Variants in KLKB1 observed in about 807,000 individuals in gnomAD.
KLKB1 encodes kallikrein B1.
A neutral mutation model predicts 73.6 loss-of-function variants in KLKB1; 58 were observed. The ratio of observed to expected loss-of-function variants is 0.79; its 90% CI spans 0.64 to 0.98. KLKB1 has a LOEUF of 0.98. Among genes scored for constraint, KLKB1 ranks in the 50% least tolerant of loss-of-function variants. The pLI is 0.00. For synonymous variants in KLKB1, 280 were observed against 258.1 expected (o/e 1.08, Z -0.81); for missense variants, 737 against 763.8 (o/e 0.96, Z 0.41).
At chr4:186,231,962 G>A (rs1391396030) in intron 2 of KLKB1, among the ~76,000 whole-genome samples, 165 bp from the exon 3 acceptor site, 1 of 152,138 alleles carries the variant, frequency 6.6e-6, no homozygotes, top group South Asian at 2.1e-4. Context: ...ACTATACATT[G>A]TTCAAATAGT....
intron 6 of KLKB1, among the ~76,000 whole-genome samples, chr4:186,244,184 T>C (rs1292972739): frequency 6.6e-6 from 1 of 152,132 alleles, no homozygotes; most frequent in Non-Finnish European, 1.5e-5. Flanking sequence ...TTTTAAGGAA[T>C]GGCAAGAGGA....
chr4:186,257,439 A>G, intron 14 of KLKB1, 74 bp downstream of exon 14: 1 of 1,384,838 alleles, frequency 7.2e-7, no homozygotes, highest in East Asian at 2.5e-5. Context: ...TTCCAATAGC[A>G]TAATTCAATC....
chr4:186,212,334 A>G (rs1335096055), intron 2 of KLKB1: 1 of 152,214 alleles, frequency 6.6e-6, no homozygotes, highest in Non-Finnish European at 1.5e-5. Flanking sequence ...TTAGTAACCC[A>G]GTAATATCTC....
intron 7 of KLKB1, 87 bp from the exon 8 acceptor site, chr4:186,251,132 T>C: frequency 1.2e-6 from 1 of 846,344 alleles, no homozygotes; most frequent in South Asian, 1.5e-5. Context: ...CTGCGTTGCT[T>C]TTTGGGTGTG....
Position 186,257,290 on chromosome 4 carries a change from A to G in KLKB1, c.1650A>G (p.Lys550=). The G allele has an allele frequency of 6.2e-7, 1 of 1,602,698 alleles. No individual in the cohort carries two copies. Among genetic ancestry groups the G allele is most frequent in the Non-Finnish European group, 8.5e-7 (1 of 1,172,434 alleles). ...TGGTAACAAATGAAGAATGCCAGAA[A>G]AGATATCAAGATTATAAAATAACCC... The part of the protein sequence containing the change: ...IPLVTNEECQ[K]RYQDYKITQR... The change falls in exon 14 of 15, where the codon AAA becomes AAG. Residue 550 remains lysine (K), a synonymous_variant. Coordinates refer to ENST00000264690, the MANE Select transcript of KLKB1 (RefSeq NM_000892.5).
At chr4:186,234,226 C>G (rs111912728) in intron 4 of KLKB1, among the ~76,000 whole-genome samples, 168 bp downstream of exon 4, 1 of 152,156 alleles carries the variant, frequency 6.6e-6, no homozygotes, top group Non-Finnish European at 1.5e-5. Context: ...CATCTGGACA[C>G]TTCTATTGTC....
intron 2 of KLKB1, chr4:186,213,592 GA>G (rs1307683083): frequency 6.6e-6 from 1 of 152,194 alleles, no homozygotes; most frequent in Non-Finnish European, 1.5e-5. Context: ...TTGCTCAGCT[GA>G]AAGCACAAAG....
rs4861709 is a variant in KLKB1 at position 186,257,032 on chromosome 4, C to T, written c.1586-194C>T. ...GTGTGTGTGTGTGTGTGTAACACTACCTTCCCAATTTTTACTGTCTATTTG... is the reference window on the plus strand; with the variant it reads ...GTGTGTGTGTGTGTGTGTAACACTATCTTCCCAATTTTTACTGTCTATTTG... On this transcript the variant is annotated intron_variant, in intron 13 of 14. Transcript: ENST00000264690. Among the ~76,000 whole-genome samples, 103,700 of 151,536 alleles carry T rather than the reference C, an allele frequency of 0.68. 35,646 individuals carry two copies. The highest frequency in any genetic ancestry group is 0.86 in the East Asian group (4,427 of 5,162).
upstream of KLKB1, among the ~76,000 whole-genome samples, chr4:186,225,242 T>G (rs1373743949): frequency 6.6e-6 from 1 of 151,408 alleles, no homozygotes; most frequent in Admixed American, 6.6e-5. Flanking sequence ...TGCCTGATAT[T>G]ATATTCTTGG....
chr4:186,216,521 T>C (rs147185506), intron 2 of KLKB1, among the ~76,000 whole-genome samples: 11 of 152,062 alleles, frequency 7.2e-5, no homozygotes, highest in African/African-American at 2.4e-4. Flanking sequence ...CCTGAGGAGA[T>C]GATGTTTGAG....
chr4:186,231,386 GTGGGGTGCAGTA>G (rs1737393105), intron 2 of KLKB1, among the ~76,000 whole-genome samples: 1 of 152,238 alleles, frequency 6.6e-6, no homozygotes, highest in Admixed American at 6.5e-5. Flanking sequence ...CTAATAATAT[GTGGGGTGCAGTA>G]TATTTTAGAG....
At chr4:186,221,512 C>T (rs927556129), upstream of KLKB1, among the ~76,000 whole-genome samples, 1 of 152,048 alleles carries the variant, frequency 6.6e-6, no homozygotes, top group Non-Finnish European at 1.5e-5. Flanking sequence ...TCATTTTTCT[C>T]AAGACATTTT....
intron 14 of KLKB1, among the ~76,000 whole-genome samples, chr4:186,257,767 G>A (rs376706961): frequency 4.3e-5 from 6 of 140,400 alleles, no homozygotes; most frequent in African/African-American, 1.5e-4. Context: ...GTGTGTGTGT[G>A]TGTGTGTGTG....
chr4:186,231,076 C>T (rs1026644227), intron 2 of KLKB1, among the ~76,000 whole-genome samples: 4 of 152,126 alleles, frequency 2.6e-5, no homozygotes, highest in Non-Finnish European at 4.4e-5. Context: ...AGGGCCAAAT[C>T]CCCAGGGGGT....
intron 13 of KLKB1, among the ~76,000 whole-genome samples, chr4:186,256,862 G>A (rs1030904907): frequency 3.3e-5 from 5 of 152,152 alleles, no homozygotes; most frequent in Non-Finnish European, 7.4e-5. Context: ...CTACTGAGAT[G>A]AGGGGATGGC....
chr4:186,255,163 AAG>A (rs1738930921), intron 12 of KLKB1, among the ~76,000 whole-genome samples: 1 of 152,126 alleles, frequency 6.6e-6, no homozygotes, highest in African/African-American at 2.4e-5. Flanking sequence ...TTGGGTAGGA[AAG>A]AGACTCATGC....
In KLKB1 at chr4:186,245,939, C is replaced by T. The variant is rs192912696; in HGVS notation, c.599-4304C>T. ...AAAGCGTCTCAGGGTTGCTGCCAAA[C>T]GGGCCATGAACTGGGCTGGGTTTTT... is the stretch of plus-strand genomic sequence containing the variant. On this transcript the variant is annotated intron_variant, in intron 6 of 14. Coordinates refer to ENST00000264690, the MANE Select transcript of KLKB1 (RefSeq NM_000892.5). Among the ~76,000 whole-genome samples, 343 of 151,136 alleles carry T rather than the reference C, an allele frequency of 2.3e-3. 1 individual carries two copies. Among genetic ancestry groups the T allele is most frequent in the African/African-American group, 7.4e-3 (306 of 41,164 alleles).
chr4:186,237,154 A>G (rs1737739653), intron 5 of KLKB1, among the ~76,000 whole-genome samples: 1 of 152,154 alleles, frequency 6.6e-6, no homozygotes, highest in Non-Finnish European at 1.5e-5. Flanking sequence ...GCTAGAGTGC[A>G]GTGGCGTAAT....
intron 6 of KLKB1, among the ~76,000 whole-genome samples, chr4:186,249,098 A>T (rs1738534906): frequency 1.3e-5 from 2 of 152,124 alleles, no homozygotes; most frequent in African/African-American, 4.8e-5. Context: ...ATTTTCAAAA[A>T]TTTTCTGTGC....
Sources: allele counts gnomAD v4.1 joint callset (sites outside exome capture counted in the v4.1 genomes callset), GRCh38; gene constraint gnomAD v4.1.1; transcripts MANE v1.5; gene names NCBI Gene and HGNC (gene_info 2026-07-23, HGNC 2026-07-21).